Variants in SYNDIG1L observed in about 807,000 individuals in gnomAD.
The protein encoded by SYNDIG1L is synapse differentiation inducing 1 like, also known as synapse differentiation-inducing gene protein 1-like.
SYNDIG1L carries 13 observed loss-of-function variants against 20.1 expected under a neutral mutation model. That is an observed-to-expected ratio of 0.65 (90% confidence interval 0.42 to 1.03). The LOEUF (loss-of-function observed/expected upper bound fraction) is 1.03. SYNDIG1L is among the 50% of genes least tolerant of loss of function. The pLI, the probability that SYNDIG1L is intolerant of heterozygous loss-of-function variation, is 0.00. For synonymous variants in SYNDIG1L, 128 were observed against 129.3 expected (o/e 0.99, Z 0.07); for missense variants, 294 against 305.1 (o/e 0.96, Z 0.27).
the SYNDIG1L span, chr14:74,471,980 C>T: frequency 4.6e-5 from 7 of 152,110 alleles, no homozygotes; most frequent in South Asian, 2.1e-4. Flanking sequence ...GTATTGGTTT[C>T]GATATAAAAT....
chr14:74,435,427 G>C, the SYNDIG1L span, among the ~76,000 whole-genome samples: 1 of 152,350 alleles, frequency 6.6e-6, no homozygotes, highest in East Asian at 1.9e-4. Flanking sequence ...ATCTTCTGTA[G>C]AATTCAACCA....
upstream of SYNDIG1L, among the ~76,000 whole-genome samples, chr14:74,430,384 A>G (rs1680910162): frequency 6.6e-6 from 1 of 151,872 alleles, no homozygotes; most frequent in Non-Finnish European, 1.5e-5. Flanking sequence ...AGCAGATGGC[A>G]GGGTTCTTTC....
At chr14:74,412,796 C>G (rs1344709572) in intron 1 of SYNDIG1L, among the ~76,000 whole-genome samples, 1 of 152,106 alleles carries the variant, frequency 6.6e-6, no homozygotes, top group Non-Finnish European at 1.5e-5. Flanking sequence ...CCCATCTTGC[C>G]CACCCTCTGG....
chr14:74,443,437 G>A, the SYNDIG1L span, among the ~76,000 whole-genome samples: 1 of 152,178 alleles, frequency 6.6e-6, no homozygotes, highest in African/African-American at 2.4e-5. Context: ...AGCCAAGGCC[G>A]AGGATTCAGT....
At chr14:74,471,603 C>CAT in the SYNDIG1L span, among the ~76,000 whole-genome samples, 1 of 151,780 alleles carries the variant, frequency 6.6e-6, no homozygotes, top group Non-Finnish European at 1.5e-5. Context: ...ATCTCACACA[C>CAT]ACACACACAC....
chr14:74,479,420 C>T, the SYNDIG1L span: 1 of 152,252 alleles, frequency 6.6e-6, no homozygotes, highest in Non-Finnish European at 1.5e-5. Context: ...AATCCCTGTA[C>T]CACCTAAGAG....
At chr14:74,411,443 G>A (rs2086129953) in intron 1 of SYNDIG1L, among the ~76,000 whole-genome samples, 2 of 152,198 alleles carry the variant, frequency 1.3e-5, no homozygotes, top group African/African-American at 2.4e-5. Context: ...AGTGCAGGGA[G>A]ATCCTTCTGC....
At chr14:74,440,040 A>G in the SYNDIG1L span, among the ~76,000 whole-genome samples, 697 of 152,234 alleles carry the variant, frequency 4.6e-3, 3 homozygotes, top group African/African-American at 0.016. Flanking sequence ...TTTCAGTACA[A>G]TAGGAGATTA....
chr14:74,462,399 A>G, the SYNDIG1L span, among the ~76,000 whole-genome samples: 1 of 148,530 alleles, frequency 6.7e-6, no homozygotes, highest in Non-Finnish European at 1.5e-5. Flanking sequence ...CAGGATAATC[A>G]CCTGAATCCG....
In SYNDIG1L at chr14:74,413,466, G is replaced by A. The variant is rs556430989; in HGVS notation, c.-57-3665C>T. On this transcript the variant is annotated intron_variant, in intron 1 of 3. Coordinates refer to ENST00000331628, the MANE Select transcript of SYNDIG1L (RefSeq NM_001105579.2). ...GTGAGAAAATACTCATTGCAGATTC[G>A]GTGAGAAAGAAGAAAAGAAAATGGT... 3.9e-5 allele frequency among the ~76,000 whole-genome samples: 6 copies of A among 152,242 alleles called. No individual in the cohort carries two copies. In the East Asian group the frequency reaches 5.8e-4, roughly 15 times the overall value.
At chr14:74,443,144 G>C in the SYNDIG1L span, among the ~76,000 whole-genome samples, 1 of 152,198 alleles carries the variant, frequency 6.6e-6, no homozygotes, top group Non-Finnish European at 1.5e-5. Context: ...GGCAGGGCTT[G>C]AGTCTCAACC....
Position 74,407,206 on chromosome 14 carries a change from G to A in SYNDIG1L, c.*329C>T. The A allele has an allele frequency of 2.8e-6, 1 of 357,328 alleles. No homozygotes were observed. The highest frequency in any genetic ancestry group is 5.1e-6 in the Non-Finnish European group (1 of 195,014). 22.1% of individuals were successfully genotyped at this position (357,328 alleles called of 1,614,324 possible). Reference sequence around the variant, plus strand: ...GGTTGGCAGGGTAGGTGGTGGGCTGGCTGTAGGGCAGGAGATCCTCTAGGG... The same window carrying A: ...GGTTGGCAGGGTAGGTGGTGGGCTGACTGTAGGGCAGGAGATCCTCTAGGG... On this transcript the variant is annotated 3_prime_UTR_variant, in exon 4 of 4. Transcript: ENST00000331628.
chr14:74,450,213 A>G, the SYNDIG1L span, among the ~76,000 whole-genome samples: 1 of 152,148 alleles, frequency 6.6e-6, no homozygotes, highest in South Asian at 2.1e-4. Context: ...AGAGAAATTG[A>G]ATTTGCAGTT....
the SYNDIG1L span, among the ~76,000 whole-genome samples, chr14:74,435,718 C>T: frequency 5.3e-5 from 8 of 152,302 alleles, no homozygotes; most frequent in Admixed American, 6.5e-5. Context: ...ACTGAGCTGA[C>T]GACTGCTGGA....
the SYNDIG1L span, among the ~76,000 whole-genome samples, chr14:74,462,491 A>G: frequency 6.6e-6 from 1 of 152,076 alleles, no homozygotes; most frequent in Admixed American, 6.5e-5. Flanking sequence ...CTCAAAAGAA[A>G]AAAAAAAGTA....
Position 74,407,701 on chromosome 14 carries a change from G to T in SYNDIG1L, c.559-8C>A. The T allele has an allele frequency of 6.3e-7, 1 of 1,596,956 alleles. No homozygotes were observed. The highest frequency in any genetic ancestry group is 2.2e-5 in the East Asian group (1 of 44,748). ...GGAGATGGCCTTGCTGGTCTAGGGA[G>T]AGAGACATGCTGATGAACAGGAGTG... On this transcript the variant is annotated splice_polypyrimidine_tract_variant and splice_region_variant and intron_variant, in intron 3 of 3. Coordinates refer to ENST00000331628, the MANE Select transcript of SYNDIG1L (RefSeq NM_001105579.2).
chr14:74,432,140 GGT>G, the SYNDIG1L span, among the ~76,000 whole-genome samples: 4,856 of 120,988 alleles, frequency 0.04, 215 homozygotes, highest in African/African-American at 0.11. Context: ...TGCCTTGGAA[GGT>G]GTGTGTGTGT....
chr14:74,442,441 C>T, the SYNDIG1L span, among the ~76,000 whole-genome samples: 5 of 151,822 alleles, frequency 3.3e-5, no homozygotes, highest in African/African-American at 4.8e-5. Context: ...ACAGGATGCA[C>T]GAAAGTTCTG....
At chr14:74,432,658 C>T in the SYNDIG1L span, among the ~76,000 whole-genome samples, 4 of 152,148 alleles carry the variant, frequency 2.6e-5, no homozygotes, top group East Asian at 7.7e-4. Flanking sequence ...GAGTTCGAGA[C>T]CAGCTTGGCC....
Sources: allele counts gnomAD v4.1 joint callset (sites outside exome capture counted in the v4.1 genomes callset), GRCh38; gene constraint gnomAD v4.1.1; transcripts MANE v1.5; gene names NCBI Gene and HGNC (gene_info 2026-07-23, HGNC 2026-07-21).